The following TSPAN8 variants were observed in gnomAD, a reference collection of about 807,000 sequenced individuals.
TSPAN8 encodes the protein tetraspanin 8.
A neutral mutation model predicts 32.8 loss-of-function variants in TSPAN8; 21 were observed. The observed-to-expected ratio is 0.64, with a 90% confidence interval of 0.45 to 0.92. TSPAN8 has a LOEUF of 0.92. Among genes scored for constraint, TSPAN8 ranks in the 40% least tolerant of loss-of-function variants. The probability of loss-of-function intolerance (pLI) is 0.00; values close to 1 mark genes in which losing one functional copy is unlikely to be tolerated. For missense variants in TSPAN8, 269 were observed against 281.9 expected (o/e 0.95, Z 0.33); for synonymous variants, 95 against 94.6 (o/e 1.00, Z -0.03).
intron 6 of TSPAN8, among the ~76,000 whole-genome samples, chr12:71,135,722 T>G (rs1417181618): frequency 6.6e-6 from 1 of 152,126 alleles, no homozygotes; most frequent in Admixed American, 6.5e-5. Context: ...AGACCTTGAA[T>G]CCAGGGATAC....
intron 2 of TSPAN8, chr12:71,157,403 T>G (rs987373665): frequency 2.1e-6 from 1 of 475,400 alleles, no homozygotes; most frequent in African/African-American, 1.9e-5. Flanking sequence ...ATGAAATGTT[T>G]ATCCTCACAT....
chr12:71,157,363 ATT>A, intron 2 of TSPAN8: 1 of 385,152 alleles, frequency 2.6e-6, no homozygotes, highest in Non-Finnish European at 4.7e-6. Flanking sequence ...TTCCTCTGTG[ATT>A]TTTTTTTGCA....
chr12:71,125,235 C>A lies in TSPAN8; in HGVS notation c.*99G>T. The A allele has an allele frequency of 1.0e-6, 1 of 979,460 alleles. No homozygotes were observed. Among genetic ancestry groups the A allele is most frequent in the Non-Finnish European group, 1.5e-6 (1 of 647,432 alleles). The allele number at this position is 979,460 out of a possible 1,614,324, so 60.7% of individuals were successfully genotyped here. ...TAGCCGAGACATTTTAAAAAGACAG[C>A]TGCTCCTGACTTATATAGCACTTAC... On this transcript the variant is annotated 3_prime_UTR_variant, in exon 9 of 9. Transcript: ENST00000247829.
chr12:71,128,577 C>T (rs1453692142), intron 8 of TSPAN8, among the ~76,000 whole-genome samples: 1 of 151,470 alleles, frequency 6.6e-6, no homozygotes, highest in African/African-American at 2.4e-5. Context: ...AAATGCTTCT[C>T]TGAAGCAGTT....
At chr12:71,157,513 T>C (rs574330191) in intron 2 of TSPAN8, 106 bp downstream of exon 2, 1 of 754,674 alleles carries the variant, frequency 1.3e-6, no homozygotes, top group African/African-American at 1.7e-5. Flanking sequence ...AAATACATTT[T>C]CCCCCTTCTC....
At chr12:71,137,415 A>G (rs1212320186) in intron 6 of TSPAN8, among the ~76,000 whole-genome samples, 1 of 152,178 alleles carries the variant, frequency 6.6e-6, no homozygotes, top group East Asian at 1.9e-4. Context: ...CCTTACCAAC[A>G]TGGTGAGACT....
In TSPAN8 at chr12:71,157,897, C is replaced by A. The variant is rs191910363; in HGVS notation, c.-110+33G>T. 5.7e-6 allele frequency: 3 copies of A among 529,844 alleles called. No individual in the cohort carries two copies. The East Asian group carries it at 8.7e-5, about 15-fold the overall frequency. 32.8% of individuals were successfully genotyped at this position (529,844 alleles called of 1,614,324 possible). The stretch of plus-strand genomic sequence containing the variant: ...AAATATCGCAAAGGCTATTAACCCA[C>A]ACATTTAAATATCTCAAAGGCTATT... On this transcript the variant is annotated intron_variant, in intron 1 of 8. Transcript: ENST00000247829.
intron 2 of TSPAN8, among the ~76,000 whole-genome samples, chr12:71,150,631 G>T (rs546602688): frequency 6.6e-6 from 1 of 152,144 alleles, no homozygotes; most frequent in Admixed American, 6.5e-5. Context: ...CTGGGGGCAC[G>T]TTCCCCCAAT....
Position 71,139,804 on chromosome 12 carries a change from C to T in TSPAN8, c.168G>A (p.Val56=). ...EDVGSSSYVA[V]DILIAVGAII... is the part of the protein sequence containing the mutation. ...TGGCACCTACAGCAATCAATATGTC[C>T]ACAGCAACGTAGGAGCTAGAGCCTA... The change falls in exon 4 of 9, where the codon GTG becomes GTA. Residue 56 remains valine (V), a synonymous_variant. Coordinates refer to ENST00000247829, the MANE Select transcript of TSPAN8 (RefSeq NM_004616.3). 6.2e-7 allele frequency: 1 copy of T among 1,613,854 alleles called. No individual in the cohort carries two copies. Among genetic ancestry groups the T allele is most frequent in the Admixed American group, 1.7e-5 (1 of 60,008 alleles).
intron 2 of TSPAN8, among the ~76,000 whole-genome samples, chr12:71,155,480 A>T (rs1034834718): frequency 6.6e-6 from 1 of 152,212 alleles, no homozygotes; most frequent in Non-Finnish European, 1.5e-5. Flanking sequence ...ATAAAATTTC[A>T]GTAGGGAGAA....
At chr12:71,141,415 C>T (rs987911976) in intron 3 of TSPAN8, among the ~76,000 whole-genome samples, 8 of 152,230 alleles carry the variant, frequency 5.3e-5, no homozygotes, top group African/African-American at 1.9e-4. Context: ...GCTCTATGGA[C>T]TTCCTGCTAA....
At chr12:71,157,534 AGTGT>A (rs1274503598) in intron 2 of TSPAN8, 81 bp downstream of exon 2, 1 of 917,634 alleles carries the variant, frequency 1.1e-6, no homozygotes, top group African/African-American at 1.7e-5. Context: ...TTATTTCTCT[AGTGT>A]ACAGTCTGTT....
chr12:71,140,279 C>A (rs1871861159), intron 3 of TSPAN8, among the ~76,000 whole-genome samples: 1 of 152,052 alleles, frequency 6.6e-6, no homozygotes, highest in Non-Finnish European at 1.5e-5. Context: ...ATTTCAGAGT[C>A]ATTATGCTGA....
At chr12:71,129,765 T>G (rs1871460850) in intron 7 of TSPAN8, among the ~76,000 whole-genome samples, 1 of 152,124 alleles carries the variant, frequency 6.6e-6, no homozygotes, top group Non-Finnish European at 1.5e-5. Context: ...AAGCTATATA[T>G]TTTACAACAT....
intron 4 of TSPAN8, among the ~76,000 whole-genome samples, chr12:71,138,790 C>A (rs1871797464): frequency 6.6e-6 from 1 of 152,112 alleles, no homozygotes; most frequent in Non-Finnish European, 1.5e-5. Flanking sequence ...AAAAAGCAAT[C>A]AGTAGGAATG....
intron 6 of TSPAN8, among the ~76,000 whole-genome samples, chr12:71,134,708 T>G (rs1038179960): frequency 3.3e-5 from 5 of 152,160 alleles, no homozygotes; most frequent in African/African-American, 1.2e-4. Context: ...AAATGTAAAT[T>G]AAATTCCACT....
chr12:71,139,610 G>A (rs1032593477), intron 4 of TSPAN8, 101 bp downstream of exon 4: 9 of 1,433,182 alleles, frequency 6.3e-6, no homozygotes, highest in Non-Finnish European at 8.5e-6. Flanking sequence ...TGGAGTTAGA[G>A]TTTCATCAAT....
chr12:71,154,202 C>T (rs1270569849), intron 2 of TSPAN8, among the ~76,000 whole-genome samples: 4 of 151,752 alleles, frequency 2.6e-5, no homozygotes, highest in Admixed American at 6.6e-5. Context: ...CCCAGCTACT[C>T]GGGAGGCTGA....
chr12:71,147,387 G>C (rs78592066), intron 2 of TSPAN8, among the ~76,000 whole-genome samples: 2 of 152,120 alleles, frequency 1.3e-5, no homozygotes, highest in African/African-American at 4.8e-5. Context: ...GTTAGGAGGA[G>C]GAGTGGATTT....
Sources: gnomAD v4.1 joint callset for allele counts (sites outside exome capture counted in the v4.1 genomes callset) on GRCh38, gnomAD v4.1.1 for gene constraint, MANE v1.5 for transcripts, NCBI Gene and HGNC (gene_info 2026-07-23, HGNC 2026-07-21) for gene names.